CWC27: variants seen among roughly 807,000 people sequenced by gnomAD.
The protein encoded by CWC27 is CWC27 spliceosome associated cyclophilin, also known as spliceosome-associated protein CWC27 homolog.
In CWC27, 47 loss-of-function variants were observed where a neutral mutation model predicts 63.6. The ratio of observed to expected loss-of-function variants is 0.74; its 90% CI spans 0.58 to 0.94. CWC27 has a LOEUF of 0.94. CWC27 is among the 40% of genes least tolerant of loss of function. The pLI is 0.00. For synonymous variants in CWC27, 175 were observed against 179.8 expected, an observed-to-expected ratio of 0.97 and a Z score of 0.22; for missense variants, 495 against 554.3, an observed-to-expected ratio of 0.89 and a Z score of 1.07.
intron 1 of CWC27, among the ~76,000 whole-genome samples, chr5:64,770,128 A>C (rs1322728541): frequency 1.3e-5 from 2 of 152,270 alleles, no homozygotes; most frequent in African/African-American, 4.8e-5. Flanking sequence ...TAATTTATAC[A>C]GTCTTTTATT....
intron 11 of CWC27, among the ~76,000 whole-genome samples, chr5:64,916,228 A>G (rs1314772027): frequency 1.3e-5 from 2 of 152,230 alleles, no homozygotes; most frequent in African/African-American, 4.8e-5. Context: ...AGAATCCAAG[A>G]TATAAAATCA....
chr5:64,898,693 C>T (rs1747436639), intron 11 of CWC27, among the ~76,000 whole-genome samples: 1 of 151,994 alleles, frequency 6.6e-6, no homozygotes. Context: ...TGGATAAAGA[C>T]TCAAAAAATG....
intron 11 of CWC27, among the ~76,000 whole-genome samples, chr5:64,922,356 CT>C (rs141509870): frequency 0.036 from 5,516 of 152,136 alleles, 350 homozygotes; most frequent in African/African-American, 0.13. Context: ...TTATTTTTGT[CT>C]GCCTGTGTGG....
At chr5:64,924,376 A>G (rs777053059) in intron 11 of CWC27, among the ~76,000 whole-genome samples, 1 of 152,250 alleles carries the variant, frequency 6.6e-6, no homozygotes, top group Admixed American at 6.5e-5. Context: ...TCTTCTAAGC[A>G]TGCATTGGAA....
chr5:64,854,837 T>A (rs1288395569), intron 10 of CWC27, among the ~76,000 whole-genome samples: 1 of 152,210 alleles, frequency 6.6e-6, no homozygotes, highest in East Asian at 1.9e-4. Flanking sequence ...TCTCCTTGAT[T>A]CTAGGAATTT....
intron 10 of CWC27, among the ~76,000 whole-genome samples, chr5:64,860,597 A>T (rs181037069): frequency 6.6e-6 from 1 of 152,314 alleles, no homozygotes; most frequent in East Asian, 1.9e-4. Context: ...ACTCATTAGG[A>T]TCAGCTCTAC....
At position 64,783,856 on chromosome 5, in the gene CWC27, G is replaced by A; in HGVS notation, c.273G>A (p.Leu91=). ...TTCAGGATGAATTTCATTCACGGTT[G>A]CGTTTTAATCGGAGAGGACTGGTTG... ...APFKDEFHSR[L]RFNRRGLVAM... The change falls in exon 4 of 14, where the codon TTG becomes TTA. Residue 91 remains leucine, a synonymous_variant. Coordinates refer to ENST00000381070, the MANE Select transcript of CWC27 (RefSeq NM_005869.4). The A allele has an allele frequency of 6.3e-7, 1 of 1,582,838 alleles. No individual in the cohort carries two copies. Among genetic ancestry groups the A allele is most frequent in the South Asian group, 1.2e-5 (1 of 85,124 alleles).
intron 10 of CWC27, among the ~76,000 whole-genome samples, chr5:64,826,115 C>CTATA (rs56856135): frequency 6.6e-6 from 1 of 151,056 alleles, no homozygotes; most frequent in Non-Finnish European, 1.5e-5. Context: ...ATCTATCTAT[C>CTATA]CATCCATCAA....
chr5:64,842,327 A>G (rs1745866347), intron 10 of CWC27, among the ~76,000 whole-genome samples: 1 of 152,074 alleles, frequency 6.6e-6, no homozygotes, highest in Non-Finnish European at 1.5e-5. Context: ...TTTATGAGAC[A>G]GAGTCTCACT....
At chr5:64,799,609 A>G (rs1667347357) in intron 7 of CWC27, among the ~76,000 whole-genome samples, 1 of 91,120 alleles carries the variant, frequency 1.1e-5, no homozygotes, top group South Asian at 3.9e-4. Flanking sequence ...TATACTTAAT[A>G]GCAGCAGTAG....
rs201403830 is a variant in CWC27, at chr5:64,804,291, G to T, written c.843G>T (p.Met281Ile). ...EYIDGDEKNL[M>I]RERIAKKLKK... ...TTGATGGTGATGAAAAGAACCTGAT[G>T]AGAGAAAGAATTGCCAAAAAATTAA... The change falls in exon 10 of 14, where the codon ATG becomes ATT. Residue 281 changes from methionine to isoleucine, a missense_variant. Transcript: ENST00000381070. The T allele has an allele frequency of 2.0e-5, 32 of 1,613,148 alleles. No homozygotes were observed. Among genetic ancestry groups the T allele is most frequent in the Non-Finnish European group, 2.7e-5 (32 of 1,179,546 alleles).
chr5:64,849,775 G>A (rs1746086476), intron 10 of CWC27, among the ~76,000 whole-genome samples: 1 of 152,068 alleles, frequency 6.6e-6, no homozygotes, highest in African/African-American at 2.4e-5. Flanking sequence ...CATGAGATCT[G>A]ATAGTTTAAA....
At chr5:64,792,243 GC>G (rs1240731726) in intron 7 of CWC27, among the ~76,000 whole-genome samples, 1 of 151,956 alleles carries the variant, frequency 6.6e-6, no homozygotes, top group Non-Finnish European at 1.5e-5. Flanking sequence ...AGAATCCTAG[GC>G]CTTATCTGAG....
At chr5:64,850,057 A>T (rs1409781014) in intron 10 of CWC27, among the ~76,000 whole-genome samples, 1 of 152,146 alleles carries the variant, frequency 6.6e-6, no homozygotes, top group Non-Finnish European at 1.5e-5. Context: ...AGAAAAAATA[A>T]TCTTAAAATT....
intron 10 of CWC27, among the ~76,000 whole-genome samples, chr5:64,835,004 T>C (rs1160158704): frequency 6.6e-6 from 1 of 151,784 alleles, no homozygotes; most frequent in African/African-American, 2.4e-5. Flanking sequence ...AGAAACCTCT[T>C]GGTAGTATAG....
chr5:64,957,076 A>G (rs1177281600), intron 11 of CWC27, among the ~76,000 whole-genome samples: 1 of 152,186 alleles, frequency 6.6e-6, no homozygotes, highest in African/African-American at 2.4e-5. Context: ...ACATGCAAGT[A>G]TTTTAAGGAC....
chr5:65,007,023 A>AAAG (rs1749860253), intron 13 of CWC27, among the ~76,000 whole-genome samples: 1 of 145,494 alleles, frequency 6.9e-6, no homozygotes, highest in African/African-American at 2.5e-5. Flanking sequence ...AGAAAGAAAG[A>AAAG]AAAGAAAGAA....
chr5:64,851,494 G>A (rs911756436), intron 10 of CWC27, among the ~76,000 whole-genome samples: 1 of 152,266 alleles, frequency 6.6e-6, no homozygotes, highest in East Asian at 1.9e-4. Context: ...CATCGTTAAT[G>A]TAGTTAACAA....
intron 10 of CWC27, among the ~76,000 whole-genome samples, chr5:64,862,540 T>C (rs558018313): frequency 1.3e-5 from 2 of 152,166 alleles, no homozygotes; most frequent in Non-Finnish European, 2.9e-5. Context: ...GAAAAACTTA[T>C]ATAACCATAC....
Sources: gnomAD v4.1 joint callset for allele counts (sites outside exome capture counted in the v4.1 genomes callset) on GRCh38, gnomAD v4.1.1 for gene constraint, MANE v1.5 for transcripts, NCBI Gene and HGNC (gene_info 2026-07-23, HGNC 2026-07-21) for gene names.